XYLT1: variants seen among roughly 807,000 people sequenced by gnomAD.
XYLT1 encodes the protein beta-D-xylosyltransferase 1.
XYLT1 carries 36 observed loss-of-function variants against 91.3 expected under a neutral mutation model. The observed-to-expected ratio is 0.39, with a 90% CI of 0.30 to 0.52. The LOEUF (loss-of-function observed/expected upper bound fraction) is 0.52, where lower values mean the gene tolerates loss of function less well. Ranked by LOEUF, XYLT1 falls within the 20% of genes least tolerant of loss-of-function variation. The pLI is 0.68. For synonymous variants in XYLT1, 588 were observed against 532.0 expected (o/e 1.11, Z -1.45); for missense variants, 1,242 against 1,284.5 (o/e 0.97, Z 0.51).
At chr16:17,292,846 G>T (rs9921896) in intron 2 of XYLT1, among the ~76,000 whole-genome samples, 12,472 of 152,184 alleles carry the variant, frequency 0.082, 807 homozygotes, top group African/African-American at 0.17. Flanking sequence ...TCCACACTTT[G>T]CCCAGTCCCA....
At chr16:17,397,174 C>T (rs767204833) in intron 1 of XYLT1, among the ~76,000 whole-genome samples, 8 of 152,094 alleles carry the variant, frequency 5.3e-5, no homozygotes, top group Non-Finnish European at 1.0e-4. Context: ...AGGGTGACAA[C>T]GTAAATTTTC....
rs1220201922 is a variant in XYLT1 at position 17,212,939 on chromosome 16, GATGAAAGAGC to G, written c.914-12295_914-12286del. On this transcript the variant is annotated intron_variant, in intron 3 of 11. Transcript: ENST00000261381. The stretch of plus-strand genomic sequence containing the variant: ...GATGTTACCTTTTCTGTGCATCAAG[GATGAAAGAGC>G]TATTATGATAATAGCAATGTGGCCA... Among the ~76,000 whole-genome samples, 18 of 152,176 alleles carry G rather than the reference GATGAAAGAGC, an allele frequency of 1.2e-4. 1 individual carries two copies. Among genetic ancestry groups the G allele is most frequent in the African/African-American group, 4.3e-4 (18 of 41,426 alleles).
intron 2 of XYLT1, among the ~76,000 whole-genome samples, chr16:17,267,005 C>T (rs752631047): frequency 7.9e-5 from 12 of 152,220 alleles, no homozygotes; most frequent in East Asian, 1.9e-4. Flanking sequence ...CTTAGAAACC[C>T]GTGGACCACG....
chr16:17,141,017 C>T, intron 7 of XYLT1, 136 bp downstream of exon 7: 1 of 847,868 alleles, frequency 1.2e-6, no homozygotes, highest in Non-Finnish European at 1.9e-6. Context: ...CCTGCTAAGA[C>T]AGCAAGGATG....
At chr16:17,408,663 T>C (rs111738419) in intron 1 of XYLT1, among the ~76,000 whole-genome samples, 39 of 152,248 alleles carry the variant, frequency 2.6e-4, no homozygotes, top group Admixed American at 5.2e-4. Context: ...CTGACCAACA[T>C]GGAGAAACCC....
intron 8 of XYLT1, 173 bp downstream of exon 8, chr16:17,138,182 T>TTAGA (rs2030824174): frequency 1.4e-6 from 1 of 707,550 alleles, no homozygotes; most frequent in Non-Finnish European, 2.3e-6. Flanking sequence ...ATCCCTGAAG[T>TTAGA]AAGTGCTCAA....
intron 1 of XYLT1, chr16:17,446,356 CTTA>C (rs1413538451): frequency 1.3e-5 from 2 of 152,230 alleles, no homozygotes; most frequent in Non-Finnish European, 2.9e-5. Context: ...TAAATGCTCA[CTTA>C]TTGACTCTTC....
intron 2 of XYLT1, among the ~76,000 whole-genome samples, chr16:17,340,963 C>T (rs1039356937): frequency 6.6e-6 from 1 of 152,194 alleles, no homozygotes; most frequent in Non-Finnish European, 1.5e-5. Context: ...CAGCAAGATA[C>T]TGTTTTTACT....
At chr16:17,260,121 T>C (rs2033701740) in intron 2 of XYLT1, among the ~76,000 whole-genome samples, 1 of 151,996 alleles carries the variant, frequency 6.6e-6, no homozygotes, top group Non-Finnish European at 1.5e-5. Context: ...GCGACACTCT[T>C]GTGCTTGAGT....
intron 2 of XYLT1, among the ~76,000 whole-genome samples, chr16:17,319,503 C>A (rs1241237651): frequency 6.6e-6 from 1 of 151,172 alleles, no homozygotes. Flanking sequence ...AGTGCAGTGG[C>A]GCAATCGTGG....
intron 6 of XYLT1, among the ~76,000 whole-genome samples, chr16:17,155,730 G>A (rs991169250): frequency 3.9e-5 from 6 of 152,194 alleles, no homozygotes; most frequent in South Asian, 2.1e-4. Context: ...GGACTCACAC[G>A]CAAGAGTTGG....
At chr16:17,306,814 G>A (rs1038495781) in intron 2 of XYLT1, among the ~76,000 whole-genome samples, 3 of 152,066 alleles carry the variant, frequency 2.0e-5, no homozygotes, top group Admixed American at 6.6e-5. Context: ...AGTCTTGAAT[G>A]TCCTTACATT....
At chr16:17,230,071 T>G (rs1255011144) in intron 3 of XYLT1, among the ~76,000 whole-genome samples, 1 of 152,206 alleles carries the variant, frequency 6.6e-6, no homozygotes, top group Non-Finnish European at 1.5e-5. Flanking sequence ...CCATGGATGC[T>G]TCTCCAGATC....
chr16:17,139,105 T>G (rs1022466634), intron 7 of XYLT1, among the ~76,000 whole-genome samples: 2 of 152,106 alleles, frequency 1.3e-5, no homozygotes, highest in African/African-American at 4.8e-5. Context: ...CTTTAAGGGA[T>G]CTGAGAAAGA....
intron 3 of XYLT1, among the ~76,000 whole-genome samples, chr16:17,212,506 T>G (rs1261106791): frequency 6.6e-6 from 1 of 152,094 alleles, no homozygotes; most frequent in African/African-American, 2.4e-5. Flanking sequence ...TGGAAAGAAT[T>G]TTACCCAAAC....
intron 1 of XYLT1, among the ~76,000 whole-genome samples, chr16:17,441,650 G>T (rs1218916392): frequency 6.6e-6 from 1 of 152,116 alleles, no homozygotes; most frequent in Non-Finnish European, 1.5e-5. Flanking sequence ...TCAAATTCTT[G>T]GATGATTTTT....
chr16:17,379,763 T>TCTCTCACACACA (rs373354877), intron 1 of XYLT1, among the ~76,000 whole-genome samples: 18 of 125,618 alleles, frequency 1.4e-4, no homozygotes, highest in Admixed American at 4.8e-4. Context: ...TCTCTCTCTC[T>TCTCTCACACACA]CACACACACA....
chr16:17,415,373 G>T (rs1275676969), intron 1 of XYLT1, among the ~76,000 whole-genome samples: 1 of 152,202 alleles, frequency 6.6e-6, no homozygotes, highest in Non-Finnish European at 1.5e-5. Context: ...CAGCAGGAAA[G>T]AGGTCATTGA....
chr16:17,386,771 T>C (rs1382088334), intron 1 of XYLT1, among the ~76,000 whole-genome samples: 2 of 152,216 alleles, frequency 1.3e-5, no homozygotes, highest in Non-Finnish European at 2.9e-5. Context: ...TCCCAGGCAC[T>C]GTTGAGCATA....
Sources: gnomAD v4.1 joint callset for allele counts (sites outside exome capture counted in the v4.1 genomes callset) on GRCh38, gnomAD v4.1.1 for gene constraint, MANE v1.5 for transcripts, NCBI Gene and HGNC (gene_info 2026-07-23, HGNC 2026-07-21) for gene names.